Variants in CSMD1 observed in about 807,000 individuals in gnomAD.
CSMD1 encodes CUB and Sushi multiple domains 1.
CSMD1 carries 213 observed loss-of-function variants against 417.5 expected under a neutral mutation model. The ratio of observed to expected loss-of-function variants is 0.51; its 90% CI spans 0.46 to 0.57. The LOEUF is 0.57. CSMD1 is among the 20% of genes least tolerant of loss of function. The pLI is 0.00. For missense variants in CSMD1, 6,923 were observed against 4,529.7 expected (o/e 1.53, Z -15.17); for synonymous variants, 2,862 against 1,736.8 (o/e 1.65, Z -16.11).
At chr8:4,739,277 T>C (rs995373874) in intron 1 of CSMD1, among the ~76,000 whole-genome samples, 2 of 152,196 alleles carry the variant, frequency 1.3e-5, no homozygotes, top group South Asian at 2.1e-4. Context: ...GCAATTTCAC[T>C]TGGAACTCCT....
chr8:3,587,961 G>C (rs546004975), intron 8 of CSMD1, among the ~76,000 whole-genome samples: 3 of 152,138 alleles, frequency 2.0e-5, no homozygotes, highest in African/African-American at 7.2e-5. Flanking sequence ...AAACCCAGTC[G>C]TGATTCCCAT....
chr8:3,197,372 T>C (rs1585626973), intron 33 of CSMD1, among the ~76,000 whole-genome samples: 1 of 152,310 alleles, frequency 6.6e-6, no homozygotes, highest in Admixed American at 6.5e-5. Flanking sequence ...CTGTGTGCAA[T>C]TTGAAGCTGA....
At chr8:4,577,655 T>C (rs567517129) in intron 2 of CSMD1, among the ~76,000 whole-genome samples, 10 of 152,326 alleles carry the variant, frequency 6.6e-5, no homozygotes, top group African/African-American at 2.4e-4. Context: ...AGTTTCTCTA[T>C]GAAAGCTTCC....
chr8:3,527,125 A>T (rs1484538951), intron 10 of CSMD1, among the ~76,000 whole-genome samples: 3 of 152,096 alleles, frequency 2.0e-5, no homozygotes, highest in Non-Finnish European at 2.9e-5. Context: ...AGAAGACAAC[A>T]TATGAGCCCT....
At chr8:4,069,878 G>C (rs984894898) in intron 3 of CSMD1, among the ~76,000 whole-genome samples, 1 of 150,482 alleles carries the variant, frequency 6.6e-6, no homozygotes, top group East Asian at 2.1e-4. Flanking sequence ...GCAACAGTAA[G>C]GTGTTTTGTT....
intron 2 of CSMD1, among the ~76,000 whole-genome samples, chr8:4,525,730 G>A (rs1013483518): frequency 2.6e-5 from 4 of 152,094 alleles, no homozygotes; most frequent in African/African-American, 7.2e-5. Flanking sequence ...GTGTCACCTC[G>A]TCATCACATG....
chr8:4,791,111 G>C (rs1205567491), intron 1 of CSMD1, among the ~76,000 whole-genome samples: 1 of 152,136 alleles, frequency 6.6e-6, no homozygotes, highest in South Asian at 2.1e-4. Context: ...GAGACGGGGA[G>C]AAGAGACGGG....
intron 23 of CSMD1, among the ~76,000 whole-genome samples, chr8:3,335,276 G>A (rs988923877): frequency 1.3e-5 from 2 of 152,160 alleles, no homozygotes; most frequent in African/African-American, 4.8e-5. Context: ...CTCAGTCACT[G>A]TGATGACCGT....
rs921660074 is a variant in CSMD1, at chr8:3,672,481, G to A, written c.1009+35933C>T. Among the ~76,000 whole-genome samples, 17 of 151,870 alleles carry A rather than the reference G, an allele frequency of 1.1e-4. No individual in the cohort carries two copies. The East Asian group carries it at 3.3e-3, about 29-fold the overall frequency. ...AAATGTTCAAAACACGTGTAGGTCT[G>A]CTGCTATTTCAGTTTTAAATATTTA... On this transcript the variant is annotated intron_variant, in intron 7 of 69. Coordinates refer to ENST00000635120, the MANE Select transcript of CSMD1 (RefSeq NM_033225.6).
rs756868753 is a variant in CSMD1, at chr8:2,965,925, C to G, written c.9130G>C (p.Ala3044Pro). 6.8e-6 allele frequency: 11 copies of G among 1,608,676 alleles called. 2 individuals carry two copies. The highest frequency in any genetic ancestry group is 1.7e-4 in the Middle Eastern group (1 of 6,050). Residue 3044 changes from alanine (A) to proline (P), a missense_variant, in exon 59 of 70, where the codon GCA becomes CCA. Transcript: ENST00000635120. ...IISCGDPGTL[A>P]NGIQFGTDFT... ...TCGGTCCCAAACTGGATGCCATTTG[C>G]TAGTGTGCCTGGATCCCCACAACTT...
At position 3,976,106 on chromosome 8, in the gene CSMD1, T is replaced by C. The variant is rs190930823; in HGVS notation, c.818+21797A>G. On this transcript the variant is annotated intron_variant, in intron 5 of 69. Transcript: ENST00000635120. ...GGGTCACGAACTTGTAAGAATCTAA[T>C]AGAGAAAATACATTACCTATATAGT... Among the ~76,000 whole-genome samples, 129 of 152,174 alleles carry C rather than the reference T, an allele frequency of 8.5e-4. 1 individual carries two copies. In the Middle Eastern group the frequency reaches 0.01, roughly 12 times the overall value.
At chr8:4,546,073 G>A (rs554812085) in intron 2 of CSMD1, among the ~76,000 whole-genome samples, 1 of 152,204 alleles carries the variant, frequency 6.6e-6, no homozygotes, top group South Asian at 2.1e-4. Context: ...AACTTCATCA[G>A]ACACCCTCAC....
intron 2 of CSMD1, among the ~76,000 whole-genome samples, chr8:4,486,182 T>TATATATATATATACATAC (rs1801387351): frequency 1.7e-4 from 2 of 11,522 alleles, no homozygotes; most frequent in Admixed American, 9.4e-4. Context: ...TATACATACA[T>TATATATATATATACATAC]ATATATATAT....
rs190424452 is a variant in CSMD1 at position 4,216,571 on chromosome 8, G to A, written c.416-184472C>T. Among the ~76,000 whole-genome samples, 459 of 152,262 alleles carry A rather than the reference G, an allele frequency of 3.0e-3. 6 individuals are homozygous for A. Among genetic ancestry groups the A allele is most frequent in the Middle Eastern group, 0.027 (8 of 294 alleles). On this transcript the variant is annotated intron_variant, in intron 3 of 69. Coordinates refer to ENST00000635120, the MANE Select transcript of CSMD1 (RefSeq NM_033225.6). The stretch of plus-strand genomic sequence containing the variant: ...AACCCGGCCTGAGTCTGCTGCCACT[G>A]CCAACGGAGCCCTCCAGATGGAAGG...
At chr8:3,108,543 A>G in intron 44 of CSMD1, 60 bp downstream of exon 44, 1 of 1,553,596 alleles carries the variant, frequency 6.4e-7, no homozygotes, top group East Asian at 2.3e-5. Context: ...GTGGGACAAC[A>G]CTGCAGGAAA....
At chr8:3,629,664 C>A (rs1241340800) in intron 7 of CSMD1, among the ~76,000 whole-genome samples, 1 of 152,120 alleles carries the variant, frequency 6.6e-6, no homozygotes, top group East Asian at 1.9e-4. Flanking sequence ...TTATAATACA[C>A]AAGTTTATAA....
chr8:3,936,947 TA>T (rs1335889308), intron 5 of CSMD1, among the ~76,000 whole-genome samples: 1 of 152,152 alleles, frequency 6.6e-6, no homozygotes, highest in Admixed American at 6.6e-5. Flanking sequence ...GAGGTCAAAA[TA>T]CCAGCACGAA....
At chr8:4,663,921 G>T (rs1585413923) in intron 1 of CSMD1, among the ~76,000 whole-genome samples, 1 of 152,126 alleles carries the variant, frequency 6.6e-6, no homozygotes, top group South Asian at 2.1e-4. Flanking sequence ...GTCATCTGAC[G>T]ATGGCTCCAC....
chr8:4,049,274 G>A (rs928055460), intron 3 of CSMD1, among the ~76,000 whole-genome samples: 2 of 151,662 alleles, frequency 1.3e-5, no homozygotes, highest in East Asian at 1.9e-4. Flanking sequence ...ATAATTATTT[G>A]CTGTGGAGAT....
Sources: allele counts gnomAD v4.1 joint callset (sites outside exome capture counted in the v4.1 genomes callset), GRCh38; gene constraint gnomAD v4.1.1; transcripts MANE v1.5; gene names NCBI Gene and HGNC (gene_info 2026-07-23, HGNC 2026-07-21).